Variants in TNKS2 observed in about 807,000 individuals in gnomAD.
TNKS2 encodes the protein tankyrase 2, also known as poly [ADP-ribose] polymerase tankyrase-2.
A neutral mutation model predicts 137.6 loss-of-function variants in TNKS2; 72 were observed. The observed-to-expected ratio is 0.52, with a 90% CI of 0.43 to 0.64. TNKS2 has a LOEUF of 0.64. TNKS2 is among the 30% of genes least tolerant of loss of function. The pLI is 0.00. For synonymous variants in TNKS2, 516 were observed against 512.1 expected, an observed-to-expected ratio of 1.01 and a Z score of -0.10; for missense variants, 1,049 against 1,410.2, an observed-to-expected ratio of 0.74 and a Z score of 4.10.
intron 15 of TNKS2, 80 bp downstream of exon 15, chr10:91,841,528 G>C (rs1772182): frequency 0.51 from 606,320 of 1,186,938 alleles, 156,524 homozygotes; most frequent in East Asian, 0.71. Context: ...CTAGTATAAA[G>C]TTAAACTAGT....
intron 1 of TNKS2, among the ~76,000 whole-genome samples, chr10:91,809,878 G>A (rs574424102): frequency 4.3e-4 from 66 of 152,238 alleles, no homozygotes; most frequent in African/African-American, 1.5e-3. Context: ...TGTTGTAGCA[G>A]TATTTTTCAA....
chr10:91,854,869 G>T (rs971357211), intron 21 of TNKS2, among the ~76,000 whole-genome samples, 160 bp from the exon 22 acceptor site: 5 of 148,858 alleles, frequency 3.4e-5, no homozygotes, highest in Admixed American at 1.3e-4. Context: ...CACCAGCCTA[G>T]CCTGGGCAAC....
At chr10:91,842,526 C>A in intron 16 of TNKS2, 135 bp downstream of exon 16, 1 of 769,814 alleles carries the variant, frequency 1.3e-6, no homozygotes, top group Non-Finnish European at 2.1e-6. Flanking sequence ...GTAATCCCAA[C>A]ACTTTATGAG....
chr10:91,859,495 G>A lies in TNKS2; in HGVS notation c.3128G>A (p.Gly1043Asp). 1.2e-6 allele frequency: 2 copies of A among 1,611,344 alleles called. No individual in the cohort carries two copies. The highest frequency in any genetic ancestry group is 8.5e-7 in the Non-Finnish European group (1 of 1,178,784). Residue 1043 changes from glycine to aspartate, a missense_variant, in exon 25 of 27, where the codon GGC becomes GAC. By Grantham distance (94) the Gly-to-Asp change is moderately conservative. Transcript: ENST00000371627. ...SPFVNAIIHK[G>D]FDERHAYIGG... ...TTTGTGAATGCAATTATCCACAAAG[G>A]CTTTGATGAAAGGCATGCGTACATA...
rs1376731859 is a variant in TNKS2, at chr10:91,865,462, G to A, written c.*2463G>A. 6.6e-6 allele frequency among the ~76,000 whole-genome samples: 1 copy of A among 152,174 alleles called. No individual in the cohort carries two copies. The highest frequency in any genetic ancestry group is 1.5e-5 in the Non-Finnish European group (1 of 68,016). ...TGTAGCTGTACTTGCTCATTAAAAT[G>A]AAAGTAGCTGTGAGATGCTTTCAAC... On this transcript the variant is annotated 3_prime_UTR_variant, in exon 27 of 27. Transcript: ENST00000371627.
In TNKS2 at chr10:91,851,198, TTCC is replaced by T. The variant is rs749581773; in HGVS notation, c.2695-12_2695-10del. ...CAAATAAGTAAGCATTCTAAGTAGT[TTCC>T]TCCTCTTTTGTAAGATCACTTTGGA... On this transcript the variant is annotated splice_polypyrimidine_tract_variant and intron_variant, in intron 20 of 26. Coordinates refer to ENST00000371627, the MANE Select transcript of TNKS2 (RefSeq NM_025235.4). 6.2e-7 allele frequency: 1 copy of T among 1,612,560 alleles called. No individual in the cohort carries two copies. Among genetic ancestry groups the T allele is most frequent in the Non-Finnish European group, 8.5e-7 (1 of 1,179,590 alleles).
chr10:91,853,094 A>G (rs1842598387), intron 21 of TNKS2, among the ~76,000 whole-genome samples: 1 of 152,246 alleles, frequency 6.6e-6, no homozygotes, highest in Admixed American at 6.5e-5. Context: ...TATGATAACA[A>G]TTATGTTGGA....
intron 1 of TNKS2, among the ~76,000 whole-genome samples, chr10:91,800,154 T>G (rs1844115561): frequency 6.6e-6 from 1 of 152,220 alleles, no homozygotes; most frequent in Non-Finnish European, 1.5e-5. Context: ...GTGGGAGAAC[T>G]AGAAACGGTT....
chr10:91,824,365 T>C (rs1845000905), intron 7 of TNKS2, among the ~76,000 whole-genome samples: 1 of 152,204 alleles, frequency 6.6e-6, no homozygotes, highest in South Asian at 2.1e-4. Flanking sequence ...TAAGACACGA[T>C]CCCTGGACAA....
intron 1 of TNKS2, among the ~76,000 whole-genome samples, chr10:91,802,238 G>A (rs1282119218): frequency 6.6e-6 from 1 of 152,124 alleles, no homozygotes; most frequent in East Asian, 1.9e-4. Context: ...TTTATTCAGA[G>A]GAGGAAAGTG....
At chr10:91,839,348 T>C (rs565376638) in intron 13 of TNKS2, among the ~76,000 whole-genome samples, 1 of 152,010 alleles carries the variant, frequency 6.6e-6, no homozygotes, top group Non-Finnish European at 1.5e-5. Flanking sequence ...TTTTTTTCCT[T>C]TTTTCTTTTT....
intron 12 of TNKS2, chr10:91,836,556 G>A: frequency 1.2e-6 from 1 of 846,434 alleles, no homozygotes; most frequent in Non-Finnish European, 1.4e-6. Context: ...ATTAATGACA[G>A]AACCACAGTT....
chr10:91,858,533 G>C (rs1046752151), intron 24 of TNKS2, among the ~76,000 whole-genome samples: 3 of 152,170 alleles, frequency 2.0e-5, no homozygotes, highest in Non-Finnish European at 4.4e-5. Flanking sequence ...AAATGAATTA[G>C]CTGTGGTTTT....
chr10:91,863,199 T>C lies in TNKS2; in HGVS notation c.*200T>C. The C allele has an allele frequency of 2.4e-6, 1 of 413,330 alleles. No individual in the cohort carries two copies. Among genetic ancestry groups the C allele is most frequent in the Non-Finnish European group, 4.4e-6 (1 of 227,358 alleles). The allele number at this position is 413,330 out of a possible 1,614,324, so 25.6% of individuals were successfully genotyped here. A position where few individuals can be genotyped will look rare whatever the true frequency, so the allele number is the denominator to read the frequency against. On this transcript the variant is annotated 3_prime_UTR_variant, in exon 27 of 27. Coordinates refer to ENST00000371627, the MANE Select transcript of TNKS2 (RefSeq NM_025235.4). ...GTGTTTTCTAAATATTTCCTGTTTT[T>C]TCAGCACTTTAACAGATGCCATTCC...
At chr10:91,807,191 C>CGCA in intron 1 of TNKS2, 2 of 1,606,956 alleles carry the variant, frequency 1.2e-6, no homozygotes, top group South Asian at 2.2e-5. Flanking sequence ...ACTCAGTTTC[C>CGCA]ATGGTAACAT....
intron 1 of TNKS2, among the ~76,000 whole-genome samples, chr10:91,804,687 C>G (rs188250854): frequency 1.3e-5 from 2 of 152,170 alleles, no homozygotes; most frequent in Admixed American, 1.3e-4. Flanking sequence ...GTACTTTGAA[C>G]TATTCTTGAG....
chr10:91,841,379 A>G lies in TNKS2; in HGVS notation c.1770A>G (p.Leu590=), dbSNP rs368882919. 142 of 1,610,192 alleles carry G rather than the reference A, an allele frequency of 8.8e-5. No homozygotes were observed. Among genetic ancestry groups the G allele is most frequent in the Middle Eastern group, 1.7e-4 (1 of 6,034 alleles). Residue 590 remains leucine, a synonymous_variant, in exon 15 of 27, where the codon TTA becomes TTG. Coordinates refer to ENST00000371627, the MANE Select transcript of TNKS2 (RefSeq NM_025235.4). ...KHGAVVNVAD[L]WKFTPLHEAA... Reference sequence around the variant, plus strand: ...GAGCAGTAGTTAATGTAGCTGATTTATGGAAATTTACACCTTTACATGAAG... The same window carrying G: ...GAGCAGTAGTTAATGTAGCTGATTTGTGGAAATTTACACCTTTACATGAAG...
At chr10:91,836,703 T>G (rs1842031132) in intron 12 of TNKS2, 1 of 985,024 alleles carries the variant, frequency 1.0e-6, no homozygotes, top group South Asian at 4.7e-5. Context: ...TATACACATT[T>G]ACATATTTTG....
chr10:91,816,058 A>T (rs7901710), intron 2 of TNKS2, among the ~76,000 whole-genome samples: 1 of 150,040 alleles, frequency 6.7e-6, no homozygotes, highest in Non-Finnish European at 1.5e-5. Context: ...ACGCCATTCT[A>T]CTGCCTCAGC....
Sources: allele counts gnomAD v4.1 joint callset (sites outside exome capture counted in the v4.1 genomes callset), GRCh38; gene constraint gnomAD v4.1.1; transcripts MANE v1.5; gene names NCBI Gene and HGNC (gene_info 2026-07-23, HGNC 2026-07-21).